Variants in LPP observed in about 807,000 individuals in gnomAD.
LPP encodes the protein LIM domain containing preferred translocation partner in lipoma, also known as lipoma-preferred partner.
A neutral mutation model predicts 60.4 loss-of-function variants in LPP; 38 were observed. The observed-to-expected ratio is 0.63, with a 90% CI of 0.49 to 0.83. The LOEUF (loss-of-function observed/expected upper bound fraction) is 0.83, where lower values mean the gene tolerates loss of function less well. LPP is among the 40% of genes least tolerant of loss of function. The pLI is 0.00. For synonymous variants in LPP, 328 were observed against 290.8 expected (o/e 1.13, Z -1.30); for missense variants, 902 against 783.6 (o/e 1.15, Z -1.80).
At chr3:188,385,964 G>A (rs2148617081) in intron 3 of LPP, among the ~76,000 whole-genome samples, 1 of 152,134 alleles carries the variant, frequency 6.6e-6, no homozygotes, top group South Asian at 2.1e-4. Flanking sequence ...TCTTTTGTAT[G>A]TCAAATTTTA....
intron 1 of LPP, among the ~76,000 whole-genome samples, chr3:188,176,555 C>A (rs1723094092): frequency 6.6e-6 from 1 of 151,764 alleles, no homozygotes; most frequent in Non-Finnish European, 1.5e-5. Flanking sequence ...TGGCCACAAA[C>A]TTGTTTTTCA....
intron 4 of LPP, among the ~76,000 whole-genome samples, chr3:188,418,506 C>T (rs1052351858): frequency 2.0e-5 from 3 of 152,092 alleles, no homozygotes; most frequent in Non-Finnish European, 2.9e-5. Context: ...GGGAATTGAA[C>T]CCTTGTCTCC....
At chr3:188,376,203 T>C (rs1184495904) in intron 3 of LPP, among the ~76,000 whole-genome samples, 6 of 152,068 alleles carry the variant, frequency 3.9e-5, no homozygotes, top group Non-Finnish European at 5.9e-5. Flanking sequence ...TGGAGAGTTC[T>C]GTAGATGTCT....
intron 6 of LPP, among the ~76,000 whole-genome samples, chr3:188,576,608 G>A (rs1165550023): frequency 3.9e-5 from 6 of 152,166 alleles, no homozygotes; most frequent in Non-Finnish European, 8.8e-5. Flanking sequence ...CTCAGGGCCT[G>A]TCTTCTGTAT....
intron 2 of LPP, among the ~76,000 whole-genome samples, chr3:188,296,358 G>A (rs544226367): frequency 2.3e-4 from 35 of 152,302 alleles, no homozygotes; most frequent in Middle Eastern, 3.4e-3. Flanking sequence ...GGTTGGCCCC[G>A]TCTGAGAAGG....
intron 9 of LPP, among the ~76,000 whole-genome samples, chr3:188,851,661 C>A (rs1398206682): frequency 6.6e-6 from 1 of 152,154 alleles, no homozygotes; most frequent in Non-Finnish European, 1.5e-5. Context: ...AACAAACAAT[C>A]CCTACTATAT....
chr3:188,532,489 G>A (rs1218192422), intron 6 of LPP, among the ~76,000 whole-genome samples: 1 of 152,124 alleles, frequency 6.6e-6, no homozygotes, highest in Non-Finnish European at 1.5e-5. Context: ...AGAGGAAAGA[G>A]GTGAGTTTTT....
intron 9 of LPP, among the ~76,000 whole-genome samples, chr3:188,780,107 C>T (rs1476293857): frequency 6.6e-6 from 1 of 152,136 alleles, no homozygotes; most frequent in African/African-American, 2.4e-5. Context: ...CTTCCTGCCA[C>T]TTCTTGTTTT....
chr3:188,875,134 G>A lies in LPP; in HGVS notation c.*655G>A. Reference sequence around the variant, plus strand: ...CCAGTGATCAAGGCTAATTGGAAAAGAGTTATCGGCCCATAGCTAATAAGT... The same window carrying A: ...CCAGTGATCAAGGCTAATTGGAAAAAAGTTATCGGCCCATAGCTAATAAGT... On this transcript the variant is annotated 3_prime_UTR_variant, in exon 12 of 12. Transcript: ENST00000617246. The A allele has an allele frequency of 4.6e-6, 1 of 218,068 alleles. No individual in the cohort carries two copies. The highest frequency in any genetic ancestry group is 5.8e-5 in the Admixed American group (1 of 17,244). The allele number at this position is 218,068 out of a possible 1,614,324, so 13.5% of individuals were successfully genotyped here. A position where few individuals can be genotyped will look rare whatever the true frequency, so the allele number is the denominator to read the frequency against.
At chr3:188,486,356 A>G (rs1442951497) in intron 5 of LPP, among the ~76,000 whole-genome samples, 2 of 152,164 alleles carry the variant, frequency 1.3e-5, no homozygotes, top group Non-Finnish European at 2.9e-5. Context: ...GACAGACACC[A>G]CTCTGTCCTC....
chr3:188,811,885 T>C (rs1023675929), intron 9 of LPP, among the ~76,000 whole-genome samples: 4 of 152,198 alleles, frequency 2.6e-5, no homozygotes, highest in Non-Finnish European at 5.9e-5. Flanking sequence ...ATTTATGGGG[T>C]ACATAAGATG....
At chr3:188,179,808 C>G in intron 1 of LPP, 1 of 303,370 alleles carries the variant, frequency 3.3e-6, no homozygotes, top group Non-Finnish European at 6.5e-6. Context: ...CCTCCTCTTT[C>G]ATTCAGCCTC....
chr3:188,237,794 A>G (rs898969105), intron 2 of LPP, among the ~76,000 whole-genome samples: 1 of 152,172 alleles, frequency 6.6e-6, no homozygotes, highest in Non-Finnish European at 1.5e-5. Context: ...TAGATTCAGC[A>G]TAATTCTTAA....
At chr3:188,737,191 A>T (rs1257354504) in intron 8 of LPP, among the ~76,000 whole-genome samples, 4 of 152,216 alleles carry the variant, frequency 2.6e-5, no homozygotes, top group African/African-American at 9.6e-5. Flanking sequence ...TATAAAAAGA[A>T]ATATATAGAA....
chr3:188,361,545 CCCTCTCCTCT>C (rs1173978169), intron 3 of LPP, among the ~76,000 whole-genome samples: 6 of 64,692 alleles, frequency 9.3e-5, no homozygotes, highest in Admixed American at 1.7e-4. Flanking sequence ...TCCTCTCCTC[CCCTCTCCTCT>C]CCTCTCCTCT....
At chr3:188,758,391 C>G (rs2150444662) in intron 8 of LPP, among the ~76,000 whole-genome samples, 1 of 152,224 alleles carries the variant, frequency 6.6e-6, no homozygotes, top group East Asian at 1.9e-4. Flanking sequence ...GAACTCCTGA[C>G]CTCAGGTGAT....
intron 6 of LPP, among the ~76,000 whole-genome samples, chr3:188,540,697 C>G (rs546226065): frequency 6.6e-6 from 1 of 152,256 alleles, no homozygotes; most frequent in Non-Finnish European, 1.5e-5. Flanking sequence ...GCACTTGAAA[C>G]AGTGTTTGAC....
intron 1 of LPP, among the ~76,000 whole-genome samples, chr3:188,220,978 C>T (rs73057614): frequency 0.017 from 2,535 of 152,262 alleles, 65 homozygotes; most frequent in African/African-American, 0.055. Context: ...AGGGATAGGG[C>T]TACCATTTAA....
intron 6 of LPP, among the ~76,000 whole-genome samples, chr3:188,591,413 C>G (rs1285967468): frequency 6.6e-6 from 1 of 152,152 alleles, no homozygotes. Flanking sequence ...CATAATGTTT[C>G]CATTAAACCA....
Sources: gnomAD v4.1 joint callset for allele counts (sites outside exome capture counted in the v4.1 genomes callset) on GRCh38, gnomAD v4.1.1 for gene constraint, MANE v1.5 for transcripts, NCBI Gene and HGNC (gene_info 2026-07-23, HGNC 2026-07-21) for gene names.